The following TOP2B variants were observed in gnomAD, a reference collection of about 807,000 sequenced individuals.
TOP2B encodes DNA topoisomerase II beta.
Under a neutral mutation model 193.5 loss-of-function variants are expected in TOP2B, and 51 were observed. The observed-to-expected ratio is 0.26, with a 90% CI of 0.21 to 0.33. TOP2B has a LOEUF of 0.33. Among genes scored for constraint, TOP2B ranks in the 10% least tolerant of loss-of-function variants. The pLI, the probability that TOP2B is intolerant of heterozygous loss-of-function variation, is 1.00. For missense variants in TOP2B, 1,378 were observed against 1,909.3 expected (o/e 0.72, Z 5.19); for synonymous variants, 634 against 635.7 (o/e 1.00, Z 0.04).
At chr3:25,650,126 A>G (rs1703541986) in intron 1 of TOP2B, among the ~76,000 whole-genome samples, 1 of 152,238 alleles carries the variant, frequency 6.6e-6, no homozygotes, top group Non-Finnish European at 1.5e-5. Flanking sequence ...ATTATTTATC[A>G]TCAAAACTCT....
intron 25 of TOP2B, 191 bp from the exon 26 acceptor site, chr3:25,615,777 G>T: frequency 2.4e-6 from 1 of 420,156 alleles, no homozygotes. Context: ...TTCTAAAGAC[G>T]CACAATAAGA....
At chr3:25,651,512 A>G (rs1703589204) in intron 1 of TOP2B, among the ~76,000 whole-genome samples, 1 of 152,096 alleles carries the variant, frequency 6.6e-6, no homozygotes, top group African/African-American at 2.4e-5. Flanking sequence ...CAAAAAAGCT[A>G]TAAGACATAT....
intron 21 of TOP2B, among the ~76,000 whole-genome samples, chr3:25,621,749 G>A (rs1208173497): frequency 6.6e-6 from 1 of 152,098 alleles, no homozygotes; most frequent in African/African-American, 2.4e-5. Context: ...AGCACTTTGG[G>A]AGGCCAAAGC....
chr3:25,651,788 A>C (rs1223906945), intron 1 of TOP2B, among the ~76,000 whole-genome samples: 7 of 151,742 alleles, frequency 4.6e-5, no homozygotes, highest in Admixed American at 1.3e-4. Context: ...AATCACTTGA[A>C]CCTGAGGCAG....
At chr3:25,627,015 G>T in intron 16 of TOP2B, 151 bp from the exon 17 acceptor site, 1 of 690,178 alleles carries the variant, frequency 1.4e-6, no homozygotes, top group South Asian at 2.2e-5. Flanking sequence ...TTTAAACTAA[G>T]GTCTTTCAAT....
At chr3:25,664,099 A>T in intron 1 of TOP2B, 130 bp downstream of exon 1, 1 of 1,334,158 alleles carries the variant, frequency 7.5e-7, no homozygotes. Flanking sequence ...CTGCAAGCAC[A>T]GGCCCCTATG....
rs1261289154 is a variant in TOP2B at position 25,626,599 on chromosome 3, T to C, written c.2185A>G (p.Asn729Asp). 6.5e-7 allele frequency: 1 copy of C among 1,535,240 alleles called. No individual in the cohort carries two copies. ...GGTATAGATCTTTCATTGTCTGAGT[T>C]TGAGAAGAGAATCAATTCCTTGTTG... Reference protein sequence around the residue: ...FINKELILFSNSDNERSIPSL... With the variant: ...FINKELILFSDSDNERSIPSL... The change falls in exon 18 of 36, where the codon AAC (asparagine) becomes GAC (aspartate). Residue 729 changes from asparagine to aspartate, a missense_variant. Coordinates refer to ENST00000264331, the MANE Select transcript of TOP2B (RefSeq NM_001330700.2).
chr3:25,645,621 C>T (rs1166302234), intron 1 of TOP2B, among the ~76,000 whole-genome samples, 151 bp from the exon 2 acceptor site: 2 of 152,108 alleles, frequency 1.3e-5, no homozygotes, highest in African/African-American at 2.4e-5. Context: ...ATTTACTGAC[C>T]GTCTGGCTCT....
chr3:25,617,121 C>T (rs964319985), intron 25 of TOP2B, among the ~76,000 whole-genome samples: 1 of 151,980 alleles, frequency 6.6e-6, no homozygotes, highest in African/African-American at 2.4e-5. Context: ...CTAGGCTTTA[C>T]CCATAAATTC....
At position 25,637,785 on chromosome 3, in the gene TOP2B, A is replaced by G. The variant is rs566752650; in HGVS notation, c.541+380T>C. 4.6e-5 allele frequency among the ~76,000 whole-genome samples: 7 copies of G among 152,110 alleles called. No individual in the cohort carries two copies. In the East Asian group the frequency reaches 1.3e-3, roughly 29 times the overall value. Reference sequence around the variant, plus strand: ...TTTTGGTCAAAGCACTTTCAACTCTATTTACAGAGTCTAGATTTTCAATCC... The same window carrying G: ...TTTTGGTCAAAGCACTTTCAACTCTGTTTACAGAGTCTAGATTTTCAATCC... On this transcript the variant is annotated intron_variant, in intron 5 of 35. Coordinates refer to ENST00000264331, the MANE Select transcript of TOP2B (RefSeq NM_001330700.2).
intron 12 of TOP2B, 27 bp downstream of exon 12, chr3:25,630,285 C>T: frequency 1.4e-6 from 2 of 1,449,366 alleles, no homozygotes; most frequent in African/African-American, 2.9e-5. Context: ...TGTGTGTATA[C>T]ACATATATAT....
chr3:25,623,249 T>C (rs142149942), intron 21 of TOP2B, among the ~76,000 whole-genome samples: 6 of 152,298 alleles, frequency 3.9e-5, no homozygotes, highest in East Asian at 1.9e-4. Flanking sequence ...TTTCTAATAA[T>C]ATAGGGTTTA....
Position 25,642,309 on chromosome 3 carries a change from T to C in TOP2B, c.395+13A>G. 6.7e-7 allele frequency: 1 copy of C among 1,497,076 alleles called. No individual in the cohort carries two copies. Among genetic ancestry groups the C allele is most frequent in the Non-Finnish European group, 9.1e-7 (1 of 1,103,094 alleles). 92.7% of individuals were successfully genotyped at this position (1,497,076 alleles called of 1,614,324 possible). ...AAACTTAGCATAAAAAATTAAACTT[T>C]AAATATACTTACGGATCAATAGAAA... On this transcript the variant is annotated intron_variant, in intron 4 of 35. Transcript: ENST00000264331.
Position 25,607,289 on chromosome 3 carries a change from C to T in TOP2B, c.4180G>A (p.Glu1394Lys), listed in dbSNP as rs1327532516. ...DDDDDNNDLE[E>K]LKVKASPITN... ...ATGGGAGATGCTTTAACTTTCAATT[C>T]CTCTAAATCATTATTGTCATCATCA... The change falls in exon 31 of 36, where the codon GAA (glutamate) becomes AAA (lysine). Residue 1394 changes from glutamate (E) to lysine (K), a missense_variant. Around this residue, in one of 9 missense-constraint regions of TOP2B, gnomAD observed 556 missense variants for 584.2 expected, o/e 0.95. Coordinates refer to ENST00000264331, the MANE Select transcript of TOP2B (RefSeq NM_001330700.2). 2 of 1,563,486 alleles carry T rather than the reference C, an allele frequency of 1.3e-6. No homozygotes were observed. The highest frequency in any genetic ancestry group is 1.7e-6 in the Non-Finnish European group (2 of 1,152,424).
At chr3:25,606,218 T>A in intron 31 of TOP2B, 96 bp from the exon 32 acceptor site, 1 of 591,744 alleles carries the variant, frequency 1.7e-6, no homozygotes, top group Admixed American at 3.6e-5. Context: ...AGGATTATAA[T>A]CACAGAACAA....
chr3:25,632,887 G>T, intron 8 of TOP2B, 93 bp from the exon 9 acceptor site: 1 of 1,057,610 alleles, frequency 9.5e-7, no homozygotes, highest in Non-Finnish European at 1.4e-6. Context: ...TTCTAAAAGA[G>T]TAATAGAGTC....
At chr3:25,651,401 G>GAATATACA (rs1703584715) in intron 1 of TOP2B, among the ~76,000 whole-genome samples, 2 of 139,308 alleles carry the variant, frequency 1.4e-5, no homozygotes, top group African/African-American at 5.4e-5. Flanking sequence ...AATATCTGTA[G>GAATATACA]AATATACACA....
At chr3:25,610,476 G>T (rs1324163991) in intron 28 of TOP2B, among the ~76,000 whole-genome samples, 1 of 152,202 alleles carries the variant, frequency 6.6e-6, no homozygotes, top group Non-Finnish European at 1.5e-5. Flanking sequence ...ACATAGGTTT[G>T]CCAGGTGGGA....
intron 23 of TOP2B, 29 bp downstream of exon 23, chr3:25,619,833 T>A: frequency 6.6e-7 from 1 of 1,511,478 alleles, no homozygotes; most frequent in Non-Finnish European, 9.2e-7. Context: ...GCAAGAAAGA[T>A]TAAATTAACA....
Sources: gnomAD v4.1 joint callset for allele counts (sites outside exome capture counted in the v4.1 genomes callset) on GRCh38, gnomAD v4.1.1 for gene constraint, gnomAD v4.1.1 regional missense constraint, MANE v1.5 for transcripts, NCBI Gene and HGNC (gene_info 2026-07-23, HGNC 2026-07-21) for gene names.